ZNF804A: variants seen among roughly 807,000 people sequenced by gnomAD.
The protein encoded by ZNF804A is zinc finger protein 804A.
A neutral mutation model predicts 16.5 loss-of-function variants in ZNF804A; 2 were observed. The observed-to-expected ratio is 0.12, with a 90% confidence interval of 0.05 to 0.38. The LOEUF is 0.38. Ranked by LOEUF, ZNF804A falls within the 10% of genes least tolerant of loss-of-function variation. The probability of loss-of-function intolerance (pLI) is 0.99; values close to 1 mark genes in which losing one functional copy is unlikely to be tolerated. For missense variants in ZNF804A, 1,473 were observed against 1,390.7 expected (o/e 1.06, Z -0.94); for synonymous variants, 534 against 489.6 (o/e 1.09, Z -1.20).
At chr2:184,707,445 T>A (rs1244855062) in intron 1 of ZNF804A, among the ~76,000 whole-genome samples, 1 of 152,078 alleles carries the variant, frequency 6.6e-6, no homozygotes. Context: ...GCTTGCCCCC[T>A]TCTCCCTTTA....
intron 1 of ZNF804A, among the ~76,000 whole-genome samples, chr2:184,657,186 A>G (rs1470483947): frequency 2.0e-5 from 3 of 152,114 alleles, no homozygotes; most frequent in Non-Finnish European, 4.4e-5. Flanking sequence ...CATGGGCTCA[A>G]TTGATTCTCC....
chr2:184,612,898 A>AAAT (rs1003065917), intron 1 of ZNF804A, among the ~76,000 whole-genome samples: 1 of 152,218 alleles, frequency 6.6e-6, no homozygotes, highest in African/African-American at 2.4e-5. Flanking sequence ...TTAATTAAGT[A>AAAT]AATAATAATA....
intron 1 of ZNF804A, among the ~76,000 whole-genome samples, chr2:184,744,813 CCAAA>C (rs1475906530): frequency 6.6e-6 from 1 of 151,806 alleles, no homozygotes; most frequent in Non-Finnish European, 1.5e-5. Flanking sequence ...TTTCTGTTCA[CCAAA>C]CAACTATCCG....
At chr2:184,716,189 T>C (rs1466968348) in intron 1 of ZNF804A, among the ~76,000 whole-genome samples, 3 of 152,124 alleles carry the variant, frequency 2.0e-5, no homozygotes, top group Non-Finnish European at 2.9e-5. Flanking sequence ...AATCATAAAA[T>C]TTGAGGAATG....
chr2:184,912,142 A>G (rs1421479266), intron 2 of ZNF804A, among the ~76,000 whole-genome samples: 1 of 152,004 alleles, frequency 6.6e-6, no homozygotes, highest in Non-Finnish European at 1.5e-5. Flanking sequence ...AACTTTATAC[A>G]GTCACTCCCA....
chr2:184,794,807 A>G (rs372717680), intron 1 of ZNF804A, among the ~76,000 whole-genome samples: 144 of 151,880 alleles, frequency 9.5e-4, no homozygotes, highest in African/African-American at 3.4e-3. Flanking sequence ...AAAGGGGTGG[A>G]AAAAGAAATT....
intron 2 of ZNF804A, among the ~76,000 whole-genome samples, chr2:184,905,124 T>G (rs991338294): frequency 1.3e-5 from 2 of 151,902 alleles, no homozygotes; most frequent in Non-Finnish European, 2.9e-5. Context: ...TCATTATGAT[T>G]AAGTCAGTGT....
intron 2 of ZNF804A, among the ~76,000 whole-genome samples, chr2:184,879,983 T>G (rs1238985855): frequency 6.6e-6 from 1 of 152,068 alleles, no homozygotes; most frequent in Non-Finnish European, 1.5e-5. Context: ...TAAGCATACC[T>G]TCTTATCAAA....
Position 184,938,008 on chromosome 2 carries a change from A to G in ZNF804A, c.2612A>G (p.Gln871Arg), listed in dbSNP as rs147519442. 1.7e-4 allele frequency: 268 copies of G among 1,614,100 alleles called. No individual in the cohort carries two copies. The highest frequency in any genetic ancestry group is 2.1e-4 in the Non-Finnish European group (253 of 1,180,018). Reference sequence around the variant, plus strand: ...GCAAAAATCGAAAGGAACTCAGAACAAACAAACCAATTAAGAAACAAACTG... The same window carrying G: ...GCAAAAATCGAAAGGAACTCAGAACGAACAAACCAATTAAGAAACAAACTG... ...EVAKIERNSE[Q>R]TNQLRNKLSF... Residue 871 changes from glutamine (Q) to arginine (R), a missense_variant, in exon 4 of 4, where the codon CAA becomes CGA. Physicochemically the swap from Gln to Arg is conservative, Grantham distance 43. Coordinates refer to ENST00000302277, the MANE Select transcript of ZNF804A (RefSeq NM_194250.2).
At chr2:184,888,757 A>G (rs1558993426) in intron 2 of ZNF804A, among the ~76,000 whole-genome samples, 1 of 152,136 alleles carries the variant, frequency 6.6e-6, no homozygotes, top group Non-Finnish European at 1.5e-5. Flanking sequence ...GAGGCATAAA[A>G]AAGAAGAAAA....
chr2:184,797,918 T>C (rs547629743), intron 1 of ZNF804A, among the ~76,000 whole-genome samples: 87 of 152,268 alleles, frequency 5.7e-4, no homozygotes, highest in African/African-American at 2.0e-3. Context: ...TGGTGACTTA[T>C]CTCAGCATTT....
intron 2 of ZNF804A, among the ~76,000 whole-genome samples, chr2:184,890,553 T>G (rs966565012): frequency 2.0e-5 from 3 of 152,106 alleles, no homozygotes; most frequent in Admixed American, 1.3e-4. Context: ...TTAGACCTCA[T>G]TAACCCTGGT....
chr2:184,685,928 C>T (rs1280216711), intron 1 of ZNF804A, among the ~76,000 whole-genome samples: 1 of 152,248 alleles, frequency 6.6e-6, no homozygotes, highest in African/African-American at 2.4e-5. Flanking sequence ...TGCCAAGCTG[C>T]CCTCAGCCTC....
At chr2:184,815,504 T>A (rs1400471892) in intron 1 of ZNF804A, among the ~76,000 whole-genome samples, 2 of 151,786 alleles carry the variant, frequency 1.3e-5, no homozygotes, top group Non-Finnish European at 2.9e-5. Flanking sequence ...AATAATATTA[T>A]AAATCAGAAT....
At chr2:184,697,266 TA>T (rs1264502102) in intron 1 of ZNF804A, among the ~76,000 whole-genome samples, 2 of 151,892 alleles carry the variant, frequency 1.3e-5, no homozygotes, top group South Asian at 2.1e-4. Context: ...ATAATGAAGC[TA>T]AAAAAATATG....
intron 1 of ZNF804A, among the ~76,000 whole-genome samples, chr2:184,821,382 C>A (rs975497753): frequency 6.6e-6 from 1 of 151,958 alleles, no homozygotes; most frequent in African/African-American, 2.4e-5. Context: ...TTAAACTAGA[C>A]CCCTTTCTTA....
In ZNF804A at chr2:184,690,026, A is replaced by G. The variant is rs114981411; in HGVS notation, c.111+90956A>G. 3.3e-3 allele frequency among the ~76,000 whole-genome samples: 503 copies of G among 152,082 alleles called. 5 individuals are homozygous for G. The highest frequency in any genetic ancestry group is 0.011 in the African/African-American group (477 of 41,564). The stretch of plus-strand genomic sequence containing the variant: ...AATTTGTATACATCAATTTCAAAAC[A>G]TCTCTCAAAAACCATTAAAATTGAG... On this transcript the variant is annotated intron_variant, in intron 1 of 3. Transcript: ENST00000302277.
At chr2:184,700,022 T>C (rs532913478) in intron 1 of ZNF804A, among the ~76,000 whole-genome samples, 2 of 152,212 alleles carry the variant, frequency 1.3e-5, no homozygotes, top group South Asian at 2.1e-4. Flanking sequence ...CATGTGCTTA[T>C]TTATACCACT....
intron 1 of ZNF804A, among the ~76,000 whole-genome samples, chr2:184,849,237 G>A (rs1251028305): frequency 5.3e-5 from 8 of 152,024 alleles, no homozygotes; most frequent in Admixed American, 2.6e-4. Flanking sequence ...TAATTTATCA[G>A]TATGGAGCGG....
Sources: allele counts gnomAD v4.1 joint callset (sites outside exome capture counted in the v4.1 genomes callset), GRCh38; gene constraint gnomAD v4.1.1; transcripts MANE v1.5; gene names NCBI Gene and HGNC (gene_info 2026-07-23, HGNC 2026-07-21).